Variants in ZNF248 observed in about 807,000 individuals in gnomAD.
The protein encoded by ZNF248 is KRAB protein domain.
ZNF248 carries 20 observed loss-of-function variants against 44.3 expected under a neutral mutation model. The ratio of observed to expected loss-of-function variants is 0.45; its 90% CI spans 0.32 to 0.66. The LOEUF (loss-of-function observed/expected upper bound fraction) is 0.66, where lower values mean the gene tolerates loss of function less well. ZNF248 is among the 30% of genes least tolerant of loss of function. The pLI is 0.04. For synonymous variants in ZNF248, 224 were observed against 229.0 expected (o/e 0.98, Z 0.20); for missense variants, 654 against 677.0 (o/e 0.97, Z 0.38).
At chr10:37,789,009 C>T (rs1034142101) in intron 6 of ZNF248, among the ~76,000 whole-genome samples, 1 of 152,004 alleles carries the variant, frequency 6.6e-6, no homozygotes, top group African/African-American at 2.4e-5. Context: ...GCAGCTGGGA[C>T]TACAGGCACA....
At chr10:37,813,008 C>T (rs200906) in intron 6 of ZNF248, among the ~76,000 whole-genome samples, 143 of 138,694 alleles carry the variant, frequency 1.0e-3, no homozygotes, top group African/African-American at 3.4e-3. Context: ...TAAAAGAGAT[C>T]GTGGATATGG....
chr10:37,814,120 TTAG>T (rs1055907616), intron 6 of ZNF248, among the ~76,000 whole-genome samples: 9 of 152,318 alleles, frequency 5.9e-5, no homozygotes, highest in African/African-American at 7.2e-5. Flanking sequence ...TCTTTTCTTT[TTAG>T]TAGATTTTTG....
downstream of ZNF248, among the ~76,000 whole-genome samples, chr10:37,771,613 G>A (rs1377351490): frequency 2.8e-5 from 4 of 145,376 alleles, no homozygotes; most frequent in South Asian, 2.3e-4. Flanking sequence ...ATCACACTCC[G>A]CGGACTGTTG....
intron 5 of ZNF248, among the ~76,000 whole-genome samples, chr10:37,837,356 G>A (rs550759957): frequency 8.5e-5 from 13 of 152,114 alleles, no homozygotes; most frequent in East Asian, 1.9e-4. Flanking sequence ...CTCGTCATCC[G>A]CCTGCCTCAG....
intron 1 of ZNF248, 101 bp from the exon 2 acceptor site, chr10:37,856,633 G>GA (rs34033199): frequency 0.46 from 400,781 of 863,022 alleles, 38,081 homozygotes; most frequent in Admixed American, 0.51. Flanking sequence ...TCCTTGTAGG[G>GA]AAAAAAAAAA....
chr10:37,776,364 G>A (rs2046587466), downstream of ZNF248: 2 of 376,436 alleles, frequency 5.3e-6, no homozygotes, highest in African/African-American at 4.2e-5. Flanking sequence ...AACATTTACA[G>A]AGCATCACTC....
intron 3 of ZNF248, among the ~76,000 whole-genome samples, chr10:37,847,343 C>T (rs2059493968): frequency 6.6e-6 from 1 of 152,180 alleles, no homozygotes; most frequent in Admixed American, 6.5e-5. Flanking sequence ...ACCACAACCT[C>T]CTCCACTAAT....
chr10:37,762,598 G>T, the ZNF248 span, among the ~76,000 whole-genome samples: 8 of 152,174 alleles, frequency 5.3e-5, no homozygotes, highest in African/African-American at 7.2e-5. Flanking sequence ...ACAGAAATAA[G>T]TATGTGGCCT....
intron 6 of ZNF248, chr10:37,803,993 CAAG>C (rs755551259): frequency 1.3e-5 from 2 of 152,502 alleles, no homozygotes; most frequent in African/African-American, 2.4e-5. Context: ...TTAAAAAGAA[CAAG>C]AAGACATGGA....
At chr10:37,843,489 C>G (rs2058732255) in intron 3 of ZNF248, among the ~76,000 whole-genome samples, 1 of 151,674 alleles carries the variant, frequency 6.6e-6, no homozygotes, top group African/African-American at 2.4e-5. Flanking sequence ...ATCTGATTTC[C>G]CGACTTACCA....
chr10:37,843,988 G>A (rs1374297452), intron 3 of ZNF248, among the ~76,000 whole-genome samples: 1 of 152,028 alleles, frequency 6.6e-6, no homozygotes, highest in South Asian at 2.1e-4. Context: ...AGAGAGAAAT[G>A]GGGAGAAAGA....
At chr10:37,803,623 G>C (rs2050107231) in intron 6 of ZNF248, 1 of 152,198 alleles carries the variant, frequency 6.6e-6, no homozygotes, top group African/African-American at 2.4e-5. Flanking sequence ...CAGATCAGAA[G>C]TGTGACCTTC....
At chr10:37,762,281 C>A in the ZNF248 span, among the ~76,000 whole-genome samples, 1 of 152,218 alleles carries the variant, frequency 6.6e-6, no homozygotes, top group East Asian at 1.9e-4. Context: ...GAATGTTCTA[C>A]ACATTGGTCA....
chr10:37,810,917 G>A (rs915800436), intron 6 of ZNF248, among the ~76,000 whole-genome samples: 9 of 152,232 alleles, frequency 5.9e-5, no homozygotes, highest in Non-Finnish European at 1.2e-4. Flanking sequence ...TGAAGTATCC[G>A]CTTAAAATAT....
intron 3 of ZNF248, among the ~76,000 whole-genome samples, chr10:37,855,124 GA>G (rs2061045224): frequency 6.6e-6 from 1 of 152,062 alleles, no homozygotes; most frequent in South Asian, 2.1e-4. Flanking sequence ...ACTGGATAAA[GA>G]AACACTGGCA....
At chr10:37,767,275 G>A in the ZNF248 span, among the ~76,000 whole-genome samples, 13 of 152,098 alleles carry the variant, frequency 8.5e-5, no homozygotes, top group South Asian at 4.2e-4. Context: ...TATAGAGAAC[G>A]CCACAAAGAT....
intron 6 of ZNF248, among the ~76,000 whole-genome samples, chr10:37,801,731 GACA>G (rs1390434130): frequency 2.6e-5 from 4 of 152,088 alleles, no homozygotes; most frequent in African/African-American, 9.7e-5. Context: ...TCTAAAGTCT[GACA>G]ACACCAAGTG....
At chr10:37,767,184 AG>A in the ZNF248 span, among the ~76,000 whole-genome samples, 3 of 152,216 alleles carry the variant, frequency 2.0e-5, no homozygotes, top group African/African-American at 7.2e-5. Flanking sequence ...AAAGGAACCA[AG>A]TTGGAACACA....
Position 37,832,825 on chromosome 10 carries a change from T to A in ZNF248, c.530A>T (p.Asp177Val). 6.2e-7 allele frequency: 1 copy of A among 1,613,904 alleles called. No homozygotes were observed. Among genetic ancestry groups the A allele is most frequent in the East Asian group, 2.2e-5 (1 of 44,858 alleles). The change falls in exon 6 of 6, where the codon GAT (aspartate) becomes GTT (valine). Residue 177 changes from aspartate to valine, a missense_variant. Coordinates refer to ENST00000395867, the MANE Select transcript of ZNF248 (RefSeq NM_021045.3). ...EFNVCEKLLL[D>V]IRHEKIPIGE... ...AATAGGGATTTTCTCATGCCTAATATCAAGGAGCAATTTCTCACATACATT... is the reference window on the plus strand; with the variant it reads ...AATAGGGATTTTCTCATGCCTAATAACAAGGAGCAATTTCTCACATACATT...
Sources: gnomAD v4.1 joint callset for allele counts (sites outside exome capture counted in the v4.1 genomes callset) on GRCh38, gnomAD v4.1.1 for gene constraint, MANE v1.5 for transcripts, NCBI Gene and HGNC (gene_info 2026-07-23, HGNC 2026-07-21) for gene names.